The following CDH13 variants were observed in gnomAD, a reference collection of about 807,000 sequenced individuals.
CDH13 encodes the protein cadherin-13.
CDH13 carries 24 observed loss-of-function variants against 63.8 expected under a neutral mutation model. The ratio of observed to expected loss-of-function variants is 0.38; its 90% CI spans 0.27 to 0.53. CDH13 has a LOEUF of 0.53. Ranked by LOEUF, CDH13 falls within the 20% of genes least tolerant of loss-of-function variation. The probability of loss-of-function intolerance (pLI) is 0.85; values close to 1 mark genes in which losing one functional copy is unlikely to be tolerated. For synonymous variants in CDH13, 503 were observed against 355.3 expected (o/e 1.42, Z -4.67); for missense variants, 1,049 against 903.1 (o/e 1.16, Z -2.07).
Position 83,132,456 on chromosome 16 carries a change from T to C in CDH13, c.483+6955T>C, listed in dbSNP as rs1312752111. On this transcript the variant is annotated intron_variant, in intron 4 of 13. Coordinates refer to ENST00000567109, the MANE Select transcript of CDH13 (RefSeq NM_001257.5). ...ACCCACCCCCCAACACCCCCCCCTT[T>C]TTTTTTTTTTGAGACAGAGTCTTTC... 6.1e-3 allele frequency among the ~76,000 whole-genome samples: 175 copies of C among 28,504 alleles called. 5 individuals are homozygous for C. The highest frequency in any genetic ancestry group is 0.019 in the African/African-American group (144 of 7,624). The allele number at this position is 28,504 out of a possible 152,430, so 18.7% of individuals were successfully genotyped here.
intron 6 of CDH13, among the ~76,000 whole-genome samples, chr16:83,422,910 G>A (rs1221110289): frequency 6.6e-6 from 1 of 152,148 alleles, no homozygotes; most frequent in African/African-American, 2.4e-5. Flanking sequence ...AGGAGGAGGA[G>A]GAGAATTTGG....
chr16:83,568,727 T>C (rs1011765516), intron 7 of CDH13, among the ~76,000 whole-genome samples: 1 of 152,160 alleles, frequency 6.6e-6, no homozygotes, highest in African/African-American at 2.4e-5. Context: ...TAACAGTGTC[T>C]TTTCCAGCAG....
chr16:83,388,148 T>C (rs2091712012), intron 6 of CDH13, among the ~76,000 whole-genome samples: 2 of 152,022 alleles, frequency 1.3e-5, no homozygotes, highest in Non-Finnish European at 2.9e-5. Flanking sequence ...CAGTGTTTTA[T>C]AATATTTAAG....
chr16:83,446,710 T>G (rs2072698511), intron 6 of CDH13, among the ~76,000 whole-genome samples: 1 of 152,108 alleles, frequency 6.6e-6, no homozygotes, highest in South Asian at 2.1e-4. Flanking sequence ...ACAAGTTCAG[T>G]AGACTCCAAT....
intron 5 of CDH13, among the ~76,000 whole-genome samples, chr16:83,238,664 C>G (rs1267324180): frequency 1.3e-5 from 2 of 152,090 alleles, no homozygotes; most frequent in South Asian, 2.1e-4. Context: ...AGGGGAGATC[C>G]TGGTCTCTTT....
At chr16:83,431,985 C>G (rs1221584243) in intron 6 of CDH13, among the ~76,000 whole-genome samples, 2 of 152,088 alleles carry the variant, frequency 1.3e-5, no homozygotes, top group African/African-American at 2.4e-5. Flanking sequence ...TTTAATGGAT[C>G]CTTCTGGCCA....
intron 6 of CDH13, among the ~76,000 whole-genome samples, chr16:83,447,761 T>C (rs1207439096): frequency 6.7e-6 from 1 of 149,044 alleles, no homozygotes; most frequent in African/African-American, 2.4e-5. Flanking sequence ...ATTATATATA[T>C]TAAATATTGA....
intron 7 of CDH13, among the ~76,000 whole-genome samples, chr16:83,516,636 C>T (rs2074704437): frequency 1.3e-5 from 2 of 152,066 alleles, no homozygotes; most frequent in Admixed American, 6.5e-5. Context: ...AATTGTTCTC[C>T]CTCTTATTTA....
At chr16:82,752,083 C>A (rs189478156) in intron 1 of CDH13, among the ~76,000 whole-genome samples, 2 of 152,094 alleles carry the variant, frequency 1.3e-5, no homozygotes, top group Non-Finnish European at 2.9e-5. Flanking sequence ...ACAGAATATC[C>A]CCCAAAGCAG....
chr16:82,773,264 C>A (rs991524009), intron 1 of CDH13: 1 of 152,224 alleles, frequency 6.6e-6, no homozygotes, highest in African/African-American at 2.4e-5. Flanking sequence ...TTTGTGGTTT[C>A]CTTTGCCATA....
At chr16:82,723,571 T>C (rs1217863560) in intron 1 of CDH13, among the ~76,000 whole-genome samples, 1 of 152,002 alleles carries the variant, frequency 6.6e-6, no homozygotes, top group Non-Finnish European at 1.5e-5. Flanking sequence ...GAGGATCTGG[T>C]GGGGGACAGT....
At chr16:82,865,645 G>A (rs1567613128) in intron 2 of CDH13, among the ~76,000 whole-genome samples, 1 of 152,230 alleles carries the variant, frequency 6.6e-6, no homozygotes, top group African/African-American at 2.4e-5. Flanking sequence ...AGGCCTCAGG[G>A]CCTGTGATGG....
intron 3 of CDH13, among the ~76,000 whole-genome samples, chr16:83,074,784 C>G (rs1291457295): frequency 6.6e-6 from 1 of 152,166 alleles, no homozygotes; most frequent in Non-Finnish European, 1.5e-5. Flanking sequence ...GAAGCTAAAG[C>G]CAAAGCTTAA....
chr16:83,362,315 C>T (rs537029153), intron 6 of CDH13, among the ~76,000 whole-genome samples: 50 of 152,262 alleles, frequency 3.3e-4, no homozygotes, highest in African/African-American at 1.1e-3. Flanking sequence ...ATGTCACAGC[C>T]GCGTGTATGA....
chr16:83,057,439 G>A (rs1168667227), intron 3 of CDH13, among the ~76,000 whole-genome samples: 1 of 152,062 alleles, frequency 6.6e-6, no homozygotes, highest in Non-Finnish European at 1.5e-5. Context: ...TCACCAAACT[G>A]TACACTTACA....
intron 7 of CDH13, among the ~76,000 whole-genome samples, chr16:83,547,817 G>T (rs2075415007): frequency 6.6e-6 from 1 of 152,150 alleles, no homozygotes; most frequent in Non-Finnish European, 1.5e-5. Flanking sequence ...TGACCTCCAA[G>T]GCTGAAATAG....
intron 1 of CDH13, among the ~76,000 whole-genome samples, chr16:82,729,851 A>G (rs564578080): frequency 6.6e-6 from 1 of 152,178 alleles, no homozygotes; most frequent in South Asian, 2.1e-4. Flanking sequence ...TCTTAGCTAG[A>G]TCTTCTGGAA....
chr16:83,681,505 C>G (rs187769716), intron 10 of CDH13, among the ~76,000 whole-genome samples: 2 of 152,168 alleles, frequency 1.3e-5, no homozygotes, highest in African/African-American at 2.4e-5. Context: ...GCGGCCCACA[C>G]GTGACTCTTT....
At position 83,000,250 on chromosome 16, in the gene CDH13, T is replaced by A. The variant is rs1320169663; in HGVS notation, c.158-31760T>A. On this transcript the variant is annotated intron_variant, in intron 2 of 13. Coordinates refer to ENST00000567109, the MANE Select transcript of CDH13 (RefSeq NM_001257.5). ...TTTTTTTTTTTTTTTTTTTTTTTTT[T>A]TTTTTTTTTTTTTTGAGACAGAGTT... 2.1e-4 allele frequency among the ~76,000 whole-genome samples: 24 copies of A among 112,564 alleles called. 1 individual carries two copies. The highest frequency in any genetic ancestry group is 7.5e-4 in the African/African-American group (22 of 29,488). 73.8% of individuals were successfully genotyped at this position (112,564 alleles called of 152,430 possible). A position where few individuals can be genotyped will look rare whatever the true frequency, so the allele number is the denominator to read the frequency against.
Sources: gnomAD v4.1 joint callset for allele counts (sites outside exome capture counted in the v4.1 genomes callset) on GRCh38, gnomAD v4.1.1 for gene constraint, MANE v1.5 for transcripts, NCBI Gene and HGNC (gene_info 2026-07-23, HGNC 2026-07-21) for gene names.